ANKFN1: variants seen among roughly 807,000 people sequenced by gnomAD.
The protein encoded by ANKFN1 is ankyrin repeat and fibronectin type-III domain-containing protein 1.
ANKFN1 carries 74 observed loss-of-function variants against 108.7 expected under a neutral mutation model. The observed-to-expected ratio is 0.68, with a 90% CI of 0.56 to 0.83. The LOEUF is 0.83. Ranked by LOEUF, ANKFN1 falls within the 40% of genes least tolerant of loss-of-function variation. ANKFN1 has a pLI of 0.00. For synonymous variants in ANKFN1, 547 were observed against 516.2 expected (o/e 1.06, Z -0.81); for missense variants, 1,505 against 1,382.3 (o/e 1.09, Z -1.41).
intron 8 of ANKFN1, among the ~76,000 whole-genome samples, chr17:56,426,706 C>T (rs1194423518): frequency 6.6e-6 from 1 of 152,180 alleles, no homozygotes; most frequent in African/African-American, 2.4e-5. Flanking sequence ...TAACCTTTCA[C>T]AGGGTTCTGA....
At chr17:56,104,017 T>C (rs1905696456) in intron 4 of ANKFN1, among the ~76,000 whole-genome samples, 1 of 152,184 alleles carries the variant, frequency 6.6e-6, no homozygotes, top group Non-Finnish European at 1.5e-5. Context: ...CTGATGTGGC[T>C]CCAATATAAA....
intron 13 of ANKFN1, 137 bp downstream of exon 13, chr17:56,457,526 G>A: frequency 1.1e-6 from 1 of 921,134 alleles, no homozygotes; most frequent in East Asian, 2.5e-5. Context: ...GTCCTTTTCA[G>A]CCCTGGTATG....
Position 56,141,291 on chromosome 17 carries a change from G to A in ANKFN1, c.289-86626G>A, listed in dbSNP as rs746559969. On this transcript the variant is annotated intron_variant, in intron 4 of 12. Transcript: ENST00000635860. ...ACAATTCCGCAGTTTGCTGACAGAC[G>A]TGTGGTGATTTTCCAAGCCTCTAAT... Among the ~76,000 whole-genome samples the A allele has an allele frequency of 7.2e-5, 11 of 152,284 alleles. No homozygotes were observed. In the South Asian group the frequency reaches 1.5e-3, roughly 20 times the overall value.
chr17:56,279,648 T>G (rs901170160), intron 3 of ANKFN1, among the ~76,000 whole-genome samples: 3 of 152,156 alleles, frequency 2.0e-5, no homozygotes, highest in Non-Finnish European at 4.4e-5. Flanking sequence ...AGAACTTTGC[T>G]CAGTACAACA....
chr17:56,097,703 A>G (rs1356019195), intron 4 of ANKFN1, among the ~76,000 whole-genome samples: 2 of 152,144 alleles, frequency 1.3e-5, no homozygotes, highest in Non-Finnish European at 2.9e-5. Context: ...TCCAGCCTAC[A>G]TGATCTTCAC....
At chr17:56,505,066 T>C (rs2051508778) in intron 20 of ANKFN1, among the ~76,000 whole-genome samples, 1 of 152,148 alleles carries the variant, frequency 6.6e-6, no homozygotes, top group Non-Finnish European at 1.5e-5. Context: ...CAAGATCATA[T>C]ATGCAGTAGT....
intron 17 of ANKFN1, 38 bp from the exon 18 acceptor site, chr17:56,482,318 A>C: frequency 6.6e-7 from 1 of 1,526,158 alleles, no homozygotes; most frequent in Non-Finnish European, 8.8e-7. Flanking sequence ...GCCATGTTGT[A>C]ACTCTCCTAT....
intron 4 of ANKFN1, among the ~76,000 whole-genome samples, chr17:56,345,400 A>G (rs1313192133): frequency 1.3e-5 from 2 of 152,090 alleles, no homozygotes; most frequent in Non-Finnish European, 2.9e-5. Context: ...TCCTTTGGGT[A>G]TATATCCAGT....
intron 18 of ANKFN1, among the ~76,000 whole-genome samples, chr17:56,484,589 G>A (rs1427732972): frequency 6.6e-6 from 1 of 152,238 alleles, no homozygotes; most frequent in Non-Finnish European, 1.5e-5. Context: ...GAGACTGAAG[G>A]TGCTAAGTCA....
At chr17:56,313,150 C>T (rs893011642) in intron 3 of ANKFN1, among the ~76,000 whole-genome samples, 9 of 111,004 alleles carry the variant, frequency 8.1e-5, no homozygotes, top group African/African-American at 3.3e-4. Context: ...GAGAATCCAA[C>T]TCAAAAAAAA....
chr17:56,322,567 C>T (rs187077195), intron 3 of ANKFN1, among the ~76,000 whole-genome samples: 16 of 152,288 alleles, frequency 1.1e-4, no homozygotes, highest in Non-Finnish European at 1.5e-4. Context: ...TCCATCAGCT[C>T]TTCCCTGCAT....
chr17:56,295,778 A>G (rs2044493047), intron 3 of ANKFN1, among the ~76,000 whole-genome samples: 1 of 152,220 alleles, frequency 6.6e-6, no homozygotes, highest in African/African-American at 2.4e-5. Context: ...GCCATCTTGC[A>G]GAATGCACCA....
chr17:56,421,752 G>A (rs2145058190), intron 8 of ANKFN1, among the ~76,000 whole-genome samples: 1 of 152,222 alleles, frequency 6.6e-6, no homozygotes, highest in South Asian at 2.1e-4. Context: ...ATATCATTAT[G>A]TCATTTAACG....
chr17:56,220,866 G>A (rs963576856), intron 2 of ANKFN1, among the ~76,000 whole-genome samples: 1 of 67,034 alleles, frequency 1.5e-5, no homozygotes, highest in Middle Eastern at 5.6e-3. Context: ...AAGGAAGGAA[G>A]GAAGGGAGGG....
intron 1 of ANKFN1, among the ~76,000 whole-genome samples, chr17:56,209,966 G>C (rs1332328119): frequency 6.6e-6 from 1 of 152,086 alleles, no homozygotes; most frequent in East Asian, 1.9e-4. Context: ...ATGGTCTCCA[G>C]TTCCATCCAG....
At chr17:56,405,769 G>A (rs1331479589) in intron 8 of ANKFN1, among the ~76,000 whole-genome samples, 1 of 152,102 alleles carries the variant, frequency 6.6e-6, no homozygotes, top group Non-Finnish European at 1.5e-5. Context: ...AAAGTATATT[G>A]TTAAAAAATT....
intron 10 of ANKFN1, among the ~76,000 whole-genome samples, chr17:56,445,212 C>CA (rs536397153): frequency 6.4e-4 from 98 of 152,290 alleles, no homozygotes; most frequent in Non-Finnish European, 1.9e-4. Context: ...AGAAAATGCA[C>CA]AAAAATGCTA....
intron 3 of ANKFN1, among the ~76,000 whole-genome samples, chr17:56,229,832 C>G (rs1916591297): frequency 6.6e-6 from 1 of 151,776 alleles, no homozygotes; most frequent in South Asian, 2.1e-4. Flanking sequence ...GAAGCTTGCA[C>G]TGGGATTATA....
intron 8 of ANKFN1, among the ~76,000 whole-genome samples, chr17:56,404,721 G>A (rs917906997): frequency 4.6e-5 from 7 of 152,082 alleles, no homozygotes; most frequent in Admixed American, 6.5e-5. Context: ...ATTTTGGGGG[G>A]TATGGAAGAG....
Sources: gnomAD v4.1 joint callset for allele counts (sites outside exome capture counted in the v4.1 genomes callset) on GRCh38, gnomAD v4.1.1 for gene constraint, MANE v1.5 for transcripts, NCBI Gene and HGNC (gene_info 2026-07-23, HGNC 2026-07-21) for gene names.